The following SH3RF3 variants were observed in gnomAD, a reference collection of about 807,000 sequenced individuals.
SH3RF3 encodes E3 ubiquitin-protein ligase SH3RF3.
A neutral mutation model predicts 66.3 loss-of-function variants in SH3RF3; 29 were observed. The ratio of observed to expected loss-of-function variants is 0.44; its 90% CI spans 0.33 to 0.60. The LOEUF (loss-of-function observed/expected upper bound fraction) is 0.60, where lower values mean the gene tolerates loss of function less well. SH3RF3 is among the 20% of genes least tolerant of loss of function. The pLI, the probability that SH3RF3 is intolerant of heterozygous loss-of-function variation, is 0.04. For synonymous variants in SH3RF3, 583 were observed against 532.0 expected (o/e 1.10, Z -1.32); for missense variants, 1,194 against 1,190.9 (o/e 1.00, Z -0.04).
intron 1 of SH3RF3, among the ~76,000 whole-genome samples, chr2:109,243,621 A>G (rs1330012080): frequency 6.6e-6 from 1 of 152,108 alleles, no homozygotes; most frequent in African/African-American, 2.4e-5. Flanking sequence ...TTTTAAAGAG[A>G]TGGTGTCTAA....
intron 3 of SH3RF3, among the ~76,000 whole-genome samples, chr2:109,380,387 T>C (rs1683485587): frequency 6.6e-6 from 1 of 152,132 alleles, no homozygotes; most frequent in Non-Finnish European, 1.5e-5. Flanking sequence ...TGGCACAGGG[T>C]GGGGCCCAGG....
rs1232095350 is a variant in SH3RF3, at chr2:109,282,581, A to G, written c.574-65093A>G. Among the ~76,000 whole-genome samples the G allele has an allele frequency of 2.0e-5, 3 of 152,206 alleles. No homozygotes were observed. The East Asian group carries it at 5.8e-4, about 29-fold the overall frequency. On this transcript the variant is annotated intron_variant, in intron 1 of 9. Transcript: ENST00000309415. ...ACTGCAGGGCCTGGGAACACTGGCC[A>G]GGAGAACGGCGCACAGAGCCAATGC...
At chr2:109,137,741 C>A (rs1339738443) in intron 1 of SH3RF3, among the ~76,000 whole-genome samples, 1 of 152,238 alleles carries the variant, frequency 6.6e-6, no homozygotes, top group Non-Finnish European at 1.5e-5. Flanking sequence ...TCTCATTAGA[C>A]ACCACCCGTC....
Position 109,271,983 on chromosome 2 carries a change from G to A in SH3RF3, c.574-75691G>A, listed in dbSNP as rs150878897. ...TGGTGATGGATAATTTTCAGAATGG[G>A]GTCTTTGGGTACATCTGGTATGGGT... On this transcript the variant is annotated intron_variant, in intron 1 of 9. Coordinates refer to ENST00000309415, the MANE Select transcript of SH3RF3 (RefSeq NM_001099289.3). Among the ~76,000 whole-genome samples the A allele has an allele frequency of 1.7e-3, 265 of 152,304 alleles. 1 individual carries two copies. Among genetic ancestry groups the A allele is most frequent in the African/African-American group, 6.0e-3 (251 of 41,554 alleles).
chr2:109,371,455 A>G (rs2105681883), intron 2 of SH3RF3, 131 bp from the exon 3 acceptor site: 1 of 670,938 alleles, frequency 1.5e-6, no homozygotes, highest in East Asian at 2.7e-5. Context: ...ACCTGAATGG[A>G]TAATGCACTC....
chr2:109,309,658 T>G (rs1462723316), intron 1 of SH3RF3, among the ~76,000 whole-genome samples: 1 of 127,740 alleles, frequency 7.8e-6, no homozygotes. Flanking sequence ...TGGAGGAAGA[T>G]CTACCAAGCA....
intron 1 of SH3RF3, among the ~76,000 whole-genome samples, chr2:109,191,333 G>A (rs1317643686): frequency 6.6e-6 from 1 of 152,224 alleles, no homozygotes; most frequent in African/African-American, 2.4e-5. Flanking sequence ...TAGGAGCTCC[G>A]TGAGGACCCT....
At chr2:109,452,618 C>T (rs754522175) in intron 8 of SH3RF3, among the ~76,000 whole-genome samples, 3 of 152,162 alleles carry the variant, frequency 2.0e-5, no homozygotes, top group African/African-American at 7.2e-5. Context: ...GGGAGATTTA[C>T]GCGCCATATC....
intron 2 of SH3RF3, among the ~76,000 whole-genome samples, chr2:109,367,813 C>T (rs1057471900): frequency 1.3e-5 from 2 of 152,094 alleles, no homozygotes; most frequent in African/African-American, 4.8e-5. Flanking sequence ...AATAGAGTTC[C>T]TAGGAGTGGC....
At chr2:109,478,416 C>G (rs1207254203) in intron 8 of SH3RF3, among the ~76,000 whole-genome samples, 1 of 152,208 alleles carries the variant, frequency 6.6e-6, no homozygotes, top group Non-Finnish European at 1.5e-5. Flanking sequence ...AACACCCCAT[C>G]AGTGTGAGAT....
chr2:109,343,745 T>A (rs1258338082), intron 1 of SH3RF3, among the ~76,000 whole-genome samples: 2 of 61,106 alleles, frequency 3.3e-5, no homozygotes, highest in African/African-American at 1.0e-4. Flanking sequence ...CCTGGTTTCC[T>A]TTTTTTTTTT....
At chr2:109,362,928 T>C (rs1683077877) in intron 2 of SH3RF3, among the ~76,000 whole-genome samples, 1 of 152,226 alleles carries the variant, frequency 6.6e-6, no homozygotes, top group Admixed American at 6.5e-5. Flanking sequence ...CTTCATTGAT[T>C]TGCTGTTAAT....
chr2:109,475,700 C>T (rs956142831), intron 8 of SH3RF3, among the ~76,000 whole-genome samples: 6 of 152,222 alleles, frequency 3.9e-5, no homozygotes, highest in African/African-American at 9.6e-5. Context: ...GCCAGTAGCA[C>T]GCTGCTGCAC....
chr2:109,405,521 T>C (rs577834753), intron 4 of SH3RF3, among the ~76,000 whole-genome samples: 1 of 152,246 alleles, frequency 6.6e-6, no homozygotes, highest in Non-Finnish European at 1.5e-5. Flanking sequence ...CTGGCCCTGG[T>C]CCATTTCTCC....
intron 9 of SH3RF3, among the ~76,000 whole-genome samples, chr2:109,494,992 C>T (rs568513864): frequency 1.3e-5 from 2 of 152,234 alleles, no homozygotes; most frequent in African/African-American, 4.8e-5. Context: ...GGCTGGCAGG[C>T]TCAGCTGCCC....
At chr2:109,134,508 T>A (rs1024296601) in intron 1 of SH3RF3, among the ~76,000 whole-genome samples, 1 of 152,182 alleles carries the variant, frequency 6.6e-6, no homozygotes, top group Non-Finnish European at 1.5e-5. Context: ...GAGCACCCAG[T>A]GGGACCAGGT....
At chr2:109,285,176 G>A (rs377012635) in intron 1 of SH3RF3, among the ~76,000 whole-genome samples, 3 of 152,234 alleles carry the variant, frequency 2.0e-5, no homozygotes, top group East Asian at 3.9e-4. Context: ...TTTAAAGAAG[G>A]AACAAATTGA....
intron 1 of SH3RF3, among the ~76,000 whole-genome samples, chr2:109,168,760 T>A (rs1677689132): frequency 6.6e-6 from 1 of 152,210 alleles, no homozygotes; most frequent in African/African-American, 2.4e-5. Context: ...CCCTTCTCAT[T>A]GCCTTCTTCA....
chr2:109,357,216 C>CT (rs1682964070), intron 2 of SH3RF3, among the ~76,000 whole-genome samples: 1 of 151,544 alleles, frequency 6.6e-6, no homozygotes, highest in Admixed American at 6.6e-5. Flanking sequence ...GAGTCTTACT[C>CT]TGTCGCCCAG....
Sources: gnomAD v4.1 joint callset for allele counts (sites outside exome capture counted in the v4.1 genomes callset) on GRCh38, gnomAD v4.1.1 for gene constraint, MANE v1.5 for transcripts, NCBI Gene and HGNC (gene_info 2026-07-23, HGNC 2026-07-21) for gene names.